Variants in SCARA3 observed in about 807,000 individuals in gnomAD.
SCARA3 encodes the protein cellular stress response gene protein.
Under a neutral mutation model 47.0 loss-of-function variants are expected in SCARA3, and 39 were observed. The observed-to-expected ratio is 0.83, with a 90% CI of 0.64 to 1.08. The LOEUF (loss-of-function observed/expected upper bound fraction) is 1.08, where lower values mean the gene tolerates loss of function less well. Among genes scored for constraint, SCARA3 ranks in the 50% least tolerant of loss-of-function variants. The pLI is 0.00. For synonymous variants in SCARA3, 356 were observed against 334.1 expected (o/e 1.07, Z -0.71); for missense variants, 724 against 792.3 (o/e 0.91, Z 1.04).
In SCARA3 at chr8:27,633,989, G is replaced by A; in HGVS notation, c.-212G>A. On this transcript the variant is annotated 5_prime_UTR_variant, in exon 1 of 6. Coordinates refer to ENST00000301904, the MANE Select transcript of SCARA3 (RefSeq NM_016240.3). ...GGCGCGGCGCTAGGCGCCCGGCGGG[G>A]CTTCCCCAGGCTGCGACCCCGCGGG... 1 of 269,716 alleles carries A rather than the reference G, an allele frequency of 3.7e-6. No homozygotes were observed. The highest frequency in any genetic ancestry group is 6.8e-6 in the Non-Finnish European group (1 of 146,860). The allele number at this position is 269,716 out of a possible 1,614,324, so 16.7% of individuals were successfully genotyped here.
Position 27,671,537 on chromosome 8 carries a change from C to T in SCARA3, c.*186C>T, listed in dbSNP as rs1802156621. On this transcript the variant is annotated 3_prime_UTR_variant, in exon 6 of 6. Coordinates refer to ENST00000301904, the MANE Select transcript of SCARA3 (RefSeq NM_016240.3). ...GTGCCATAGGAAAGCAGCCCCTCCT[C>T]ACACATACATGTGCACATGCACACA... 1.5e-6 allele frequency: 2 copies of T among 1,291,138 alleles called. No homozygotes were observed. Among genetic ancestry groups the T allele is most frequent in the South Asian group, 3.0e-5 (1 of 33,706 alleles). The allele number at this position is 1,291,138 out of a possible 1,614,324, so 80.0% of individuals were successfully genotyped here.
chr8:27,718,041 C>A, the SCARA3 span, among the ~76,000 whole-genome samples: 1 of 152,184 alleles, frequency 6.6e-6, no homozygotes, highest in Non-Finnish European at 1.5e-5. Flanking sequence ...GCTGAGCAGT[C>A]CGCACACGCA....
chr8:27,676,018 A>G (rs1802272176), downstream of SCARA3, among the ~76,000 whole-genome samples: 1 of 152,194 alleles, frequency 6.6e-6, no homozygotes, highest in African/African-American at 2.4e-5. Flanking sequence ...TGATTTATGT[A>G]TATAATTTCA....
At chr8:27,731,468 C>CGT in the SCARA3 span, among the ~76,000 whole-genome samples, 1 of 151,480 alleles carries the variant, frequency 6.6e-6, no homozygotes, top group Non-Finnish European at 1.5e-5. Flanking sequence ...GCCAACATGG[C>CGT]AAAACCCCGT....
At chr8:27,656,117 T>C (rs1431485405) in intron 3 of SCARA3, among the ~76,000 whole-genome samples, 2 of 152,210 alleles carry the variant, frequency 1.3e-5, no homozygotes, top group Non-Finnish European at 2.9e-5. Flanking sequence ...TGTCATCTCA[T>C]GTCAGCACAA....
downstream of SCARA3, among the ~76,000 whole-genome samples, chr8:27,674,057 T>G (rs542716038): frequency 6.6e-6 from 1 of 152,270 alleles, no homozygotes; most frequent in South Asian, 2.1e-4. Flanking sequence ...TCAGGAAGCC[T>G]CCTACCACAT....
the SCARA3 span, among the ~76,000 whole-genome samples, chr8:27,705,850 A>G: frequency 9.2e-5 from 14 of 152,264 alleles, no homozygotes; most frequent in Non-Finnish European, 1.8e-4. Context: ...TCTTTCTGTA[A>G]GAAGGAACAT....
At chr8:27,704,674 CAGTT>C in the SCARA3 span, among the ~76,000 whole-genome samples, 1 of 151,932 alleles carries the variant, frequency 6.6e-6, no homozygotes, top group Non-Finnish European at 1.5e-5. Flanking sequence ...GCTGTGTAGA[CAGTT>C]AGTTGGTTAC....
In SCARA3 at chr8:27,672,380, G is replaced by C; in HGVS notation, c.*1029G>C. The C allele has an allele frequency of 1.0e-6, 1 of 985,552 alleles. No homozygotes were observed. The highest frequency in any genetic ancestry group is 1.2e-6 in the Non-Finnish European group (1 of 830,032). 61.1% of individuals were successfully genotyped at this position (985,552 alleles called of 1,614,324 possible). A position where few individuals can be genotyped will look rare whatever the true frequency, so the allele number is the denominator to read the frequency against. On this transcript the variant is annotated 3_prime_UTR_variant, in exon 6 of 6. Transcript: ENST00000301904. ...GATGGGAGACAGAGGCAGGCCAGAAGGTTCTCTCTGCACAGCTGCCTCCCT... is the reference window on the plus strand; with the variant it reads ...GATGGGAGACAGAGGCAGGCCAGAACGTTCTCTCTGCACAGCTGCCTCCCT...
chr8:27,652,183 G>T (rs906844154), intron 3 of SCARA3, among the ~76,000 whole-genome samples: 1 of 152,200 alleles, frequency 6.6e-6, no homozygotes, highest in South Asian at 2.1e-4. Context: ...CAAGGAATCT[G>T]GGGGGTCCTG....
the SCARA3 span, among the ~76,000 whole-genome samples, chr8:27,726,577 G>A: frequency 6.6e-6 from 1 of 152,004 alleles, no homozygotes; most frequent in Non-Finnish European, 1.5e-5. Flanking sequence ...GCGGGCGCCT[G>A]TAATCCCAGC....
At chr8:27,730,529 G>C in the SCARA3 span, among the ~76,000 whole-genome samples, 4 of 150,330 alleles carry the variant, frequency 2.7e-5, no homozygotes, top group African/African-American at 9.8e-5. Context: ...TCAGGCTCAG[G>C]CTGGAGTGCA....
chr8:27,653,558 A>G (rs1246933181), intron 3 of SCARA3, among the ~76,000 whole-genome samples: 1 of 119,432 alleles, frequency 8.4e-6, no homozygotes, highest in African/African-American at 2.6e-5. Context: ...GAATGATTAT[A>G]GATTTGTAAA....
At chr8:27,692,151 G>C in the SCARA3 span, among the ~76,000 whole-genome samples, 1 of 152,132 alleles carries the variant, frequency 6.6e-6, no homozygotes, top group South Asian at 2.1e-4. Flanking sequence ...TGATAGAACA[G>C]GCCATGTAAG....
At chr8:27,728,414 G>A in the SCARA3 span, among the ~76,000 whole-genome samples, 1 of 152,222 alleles carries the variant, frequency 6.6e-6, no homozygotes, top group African/African-American at 2.4e-5. Flanking sequence ...CTGCAGTGGG[G>A]CTGCCAACAG....
Position 27,656,782 on chromosome 8 carries a change from T to C in SCARA3, c.227T>C (p.Val76Ala). ...AGCTTCTCATCTGTTTTCCCTACAG[T>C]TTTCAGAAAAGTGGACTCTCTCTCC... ...LVAVAVLASL[V>A]FRKVDSLSED... The change falls in exon 4 of 6, where the codon GTT becomes GCT. Residue 76 changes from valine (V) to alanine (A), a missense_variant and splice_region_variant. By Grantham distance (64) the Val-to-Ala change is moderately conservative (BLOSUM62 0). Transcript: ENST00000301904. 6.3e-7 allele frequency: 1 copy of C among 1,597,680 alleles called. No homozygotes were observed. The highest frequency in any genetic ancestry group is 2.2e-5 in the East Asian group (1 of 44,828).
chr8:27,696,274 TGCTG>T, the SCARA3 span, among the ~76,000 whole-genome samples: 1 of 152,238 alleles, frequency 6.6e-6, no homozygotes, highest in African/African-American at 2.4e-5. Context: ...CCTTCCAAAA[TGCTG>T]GGATTACAAG....
downstream of SCARA3, among the ~76,000 whole-genome samples, chr8:27,676,331 C>T (rs575725732): frequency 6.6e-6 from 1 of 152,288 alleles, no homozygotes; most frequent in African/African-American, 2.4e-5. Flanking sequence ...CCAGCTGCCT[C>T]GTTACTAACA....
At chr8:27,653,532 A>G (rs893732823) in intron 3 of SCARA3, among the ~76,000 whole-genome samples, 1 of 151,810 alleles carries the variant, frequency 6.6e-6, no homozygotes. Flanking sequence ...CAGGTGCCCA[A>G]TAATATTTGT....
Sources: gnomAD v4.1 joint callset for allele counts (sites outside exome capture counted in the v4.1 genomes callset) on GRCh38, gnomAD v4.1.1 for gene constraint, MANE v1.5 for transcripts, NCBI Gene and HGNC (gene_info 2026-07-23, HGNC 2026-07-21) for gene names.